ANKRD11: variants seen among roughly 807,000 people sequenced by gnomAD.
The protein encoded by ANKRD11 is ankyrin repeat domain-containing protein 11.
Under a neutral mutation model 195.7 loss-of-function variants are expected in ANKRD11, and 17 were observed. That is an observed-to-expected ratio of 0.09 (90% confidence interval 0.06 to 0.13). ANKRD11 has a LOEUF of 0.13. Among genes scored for constraint, ANKRD11 ranks in the 10% least tolerant of loss-of-function variants. ANKRD11 has a pLI of 1.00. For synonymous variants in ANKRD11, 1,953 were observed against 1,528.1 expected, an observed-to-expected ratio of 1.28 and a Z score of -6.49; for missense variants, 3,735 against 3,566.1, an observed-to-expected ratio of 1.05 and a Z score of -1.21.
chr16:89,301,003 C>A (rs1245375731), intron 4 of ANKRD11: 6 of 629,600 alleles, frequency 9.5e-6, no homozygotes, highest in Admixed American at 5.2e-5. Context: ...CAGACGAAGG[C>A]GCAGGAGAAA....
chr16:89,398,221 C>T (rs1361427868), intron 2 of ANKRD11, among the ~76,000 whole-genome samples: 4 of 148,698 alleles, frequency 2.7e-5, no homozygotes, highest in African/African-American at 7.7e-5. Context: ...TTACCTGTGA[C>T]CTCAGCACTC....
rs1161808222 is a variant in ANKRD11 at position 89,267,903 on chromosome 16, T to G, written c.*575A>C. 1 of 157,070 alleles carries G rather than the reference T, an allele frequency of 6.4e-6. No individual in the cohort carries two copies. The highest frequency in any genetic ancestry group is 2.4e-5 in the African/African-American group (1 of 41,584). The allele number at this position is 157,070 out of a possible 1,614,324, so 9.7% of individuals were successfully genotyped here. A position where few individuals can be genotyped will look rare whatever the true frequency, so the allele number is the denominator to read the frequency against. ...ACAAACCACGCGGATTTGACTCCAT[T>G]TCAATACGGCTGGGAGTCCTGGCTC... On this transcript the variant is annotated 3_prime_UTR_variant, in exon 13 of 13. Transcript: ENST00000301030.
At chr16:89,324,401 T>C (rs2037567027) in intron 2 of ANKRD11, 1 of 551,506 alleles carries the variant, frequency 1.8e-6, no homozygotes, top group Non-Finnish European at 3.2e-6. Context: ...TCAGCTTCGT[T>C]AGTCATCAAG....
intron 2 of ANKRD11, among the ~76,000 whole-genome samples, chr16:89,388,293 A>ATTTCTTTTTTT (rs2041016384): frequency 1.2e-5 from 1 of 85,266 alleles, no homozygotes; most frequent in Non-Finnish European, 2.3e-5. Context: ...CATGAGGCTG[A>ATTTCTTTTTTT]TTTTTTTTTT....
chr16:89,301,090 TTGAC>T (rs2035826637), intron 4 of ANKRD11: 4 of 532,596 alleles, frequency 7.5e-6, no homozygotes, highest in South Asian at 5.2e-5. Flanking sequence ...CATTCGCTGG[TTGAC>T]TGATTATTTA....
In ANKRD11 at chr16:89,271,118, G is replaced by A. The variant is rs56276510; in HGVS notation, c.7714-209C>T. ...ACAGCCTCCCTAAAATGCGCGTGGAGGCAGCTGGGCCTTTGTCTCCTGGGC... is the reference window on the plus strand; with the variant it reads ...ACAGCCTCCCTAAAATGCGCGTGGAAGCAGCTGGGCCTTTGTCTCCTGGGC... On this transcript the variant is annotated intron_variant, in intron 11 of 12. Transcript: ENST00000301030. 34,149 of 615,894 alleles carry A rather than the reference G, an allele frequency of 0.055. 1,185 individuals are homozygous for A. Among genetic ancestry groups the A allele is most frequent in the Non-Finnish European group, 0.073 (24,502 of 337,154 alleles). The allele number at this position is 615,894 out of a possible 1,614,324, so 38.2% of individuals were successfully genotyped here. A position where few individuals can be genotyped will look rare whatever the true frequency, so the allele number is the denominator to read the frequency against.
chr16:89,308,635 GGAGAGC>G (rs2036436044), intron 3 of ANKRD11, among the ~76,000 whole-genome samples: 1 of 152,224 alleles, frequency 6.6e-6, no homozygotes, highest in Non-Finnish European at 1.5e-5. Context: ...AGGCTTTGAG[GGAGAGC>G]TGCAGGTGCG....
At chr16:89,412,966 AG>A (rs1392709497) in intron 2 of ANKRD11, among the ~76,000 whole-genome samples, 3 of 152,106 alleles carry the variant, frequency 2.0e-5, no homozygotes, top group South Asian at 2.1e-4. Context: ...AGCACACATG[AG>A]GGAAAACAGC....
intron 2 of ANKRD11, among the ~76,000 whole-genome samples, chr16:89,371,924 T>C (rs145351623): frequency 6.6e-6 from 1 of 152,286 alleles, no homozygotes; most frequent in Non-Finnish European, 1.5e-5. Context: ...CTGACTGGCC[T>C]GTTACAGAAC....
At position 89,290,808 on chromosome 16, in the gene ANKRD11, G is replaced by A; in HGVS notation, c.418C>T (p.Pro140Ser). ...TTCTGACACACTGTAGACTGGGAGG[G>A]GTGCTTTGGTGTTGTGTCCACTGCA... Reference protein sequence around the residue: ...NSPVDTTPKHPSQSTVCQKGT... With the variant: ...NSPVDTTPKHSSQSTVCQKGT... Residue 140 changes from proline (P) to serine (S), a missense_variant, in exon 6 of 13, where the codon CCC (proline) becomes TCC (serine). By Grantham distance (74) the Pro-to-Ser change is moderately conservative. Transcript: ENST00000301030. 3 of 1,613,826 alleles carry A rather than the reference G, an allele frequency of 1.9e-6. No homozygotes were observed. Among genetic ancestry groups the A allele is most frequent in the Admixed American group, 1.7e-5 (1 of 60,026 alleles).
At chr16:89,304,607 CACGGGCATACAT>C (rs1255031523) in intron 4 of ANKRD11, among the ~76,000 whole-genome samples, 6 of 151,646 alleles carry the variant, frequency 4.0e-5, no homozygotes, top group African/African-American at 1.5e-4. Flanking sequence ...CGGGCACACA[CACGGGCATACAT>C]ACAGGCACAC....
At chr16:89,456,411 G>A (rs2056438547) in intron 1 of ANKRD11, among the ~76,000 whole-genome samples, 1 of 151,958 alleles carries the variant, frequency 6.6e-6, no homozygotes, top group African/African-American at 2.4e-5. Context: ...AGCCGAGCGT[G>A]GTGGCATGTG....
chr16:89,415,913 C>T (rs574529223), intron 2 of ANKRD11, among the ~76,000 whole-genome samples: 4 of 150,528 alleles, frequency 2.7e-5, no homozygotes, highest in Admixed American at 6.7e-5. Context: ...TGGGTCACGG[C>T]GCCTCTGGTC....
In ANKRD11 at chr16:89,284,669, C is replaced by G; in HGVS notation, c.1873G>C (p.Glu625Gln). ...AEGAVPKLDK[E>Q]GKVVKKHKTK... ...TTATGTTTTTTGACAACTTTCCCCT[C>G]CTTGTCCAGTTTGGGGACAGCGCCC... Residue 625 changes from glutamate to glutamine, a missense_variant, in exon 9 of 13, where the codon GAG (glutamate) becomes CAG (glutamine). Physicochemically the swap from Glu to Gln is conservative, Grantham distance 29. Coordinates refer to ENST00000301030, the MANE Select transcript of ANKRD11 (RefSeq NM_013275.6). The G allele has an allele frequency of 6.2e-7, 1 of 1,614,062 alleles. No homozygotes were observed. Among genetic ancestry groups the G allele is most frequent in the East Asian group, 2.2e-5 (1 of 44,878 alleles).
intron 4 of ANKRD11, among the ~76,000 whole-genome samples, chr16:89,292,971 C>T (rs1417405866): frequency 6.6e-6 from 1 of 152,194 alleles, no homozygotes; most frequent in East Asian, 1.9e-4. Flanking sequence ...CTGCCTCCCT[C>T]TAGGAAAGAG....
intron 2 of ANKRD11, among the ~76,000 whole-genome samples, chr16:89,355,273 G>C (rs1217429329): frequency 1.3e-4 from 19 of 151,314 alleles, no homozygotes; most frequent in Non-Finnish European, 1.5e-5. Context: ...GGCGGGCAGA[G>C]GGCTCACACC....
intron 2 of ANKRD11, among the ~76,000 whole-genome samples, chr16:89,403,026 T>TCCA (rs2041764101): frequency 6.6e-6 from 1 of 152,118 alleles, no homozygotes; most frequent in South Asian, 2.1e-4. Flanking sequence ...AACACCAGGC[T>TCCA]CCACATGGGC....
chr16:89,430,484 T>C (rs1303886675), intron 1 of ANKRD11, among the ~76,000 whole-genome samples: 1 of 150,956 alleles, frequency 6.6e-6, no homozygotes, highest in African/African-American at 2.4e-5. Flanking sequence ...GACTCTCAAC[T>C]CTCACGCTCA....
rs117712258 is a variant in ANKRD11 at position 89,309,117 on chromosome 16, C to T, written c.88-3773G>A. ...CACACCACCATGTGACGCCACCACACGCCCAACCACACAGACGTCAGGCCC... is the reference window on the plus strand; with the variant it reads ...CACACCACCATGTGACGCCACCACATGCCCAACCACACAGACGTCAGGCCC... On this transcript the variant is annotated intron_variant, in intron 3 of 12. Coordinates refer to ENST00000301030, the MANE Select transcript of ANKRD11 (RefSeq NM_013275.6). 5.8e-4 allele frequency among the ~76,000 whole-genome samples: 88 copies of T among 152,330 alleles called. No homozygotes were observed. In the East Asian group the frequency reaches 0.011, roughly 19 times the overall value.
Sources: gnomAD v4.1 joint callset for allele counts (sites outside exome capture counted in the v4.1 genomes callset) on GRCh38, gnomAD v4.1.1 for gene constraint, MANE v1.5 for transcripts, NCBI Gene and HGNC (gene_info 2026-07-23, HGNC 2026-07-21) for gene names.